Variants in GHRHR observed in about 807,000 individuals in gnomAD.
GHRHR encodes the protein growth hormone-releasing hormone receptor.
In GHRHR, 40 loss-of-function variants were observed where a neutral mutation model predicts 58.3. The observed-to-expected ratio is 0.69, with a 90% CI of 0.53 to 0.89. GHRHR has a LOEUF of 0.89. GHRHR is among the 40% of genes least tolerant of loss of function. The pLI, the probability that GHRHR is intolerant of heterozygous loss-of-function variation, is 0.00. For missense variants in GHRHR, 551 were observed against 541.3 expected (o/e 1.02, Z -0.18); for synonymous variants, 249 against 216.6 (o/e 1.15, Z -1.31).
In GHRHR at chr7:30,973,892, C is replaced by A. The variant is rs1792523586; in HGVS notation, c.598-93C>A. On this transcript the variant is annotated intron_variant, in intron 6 of 12. Transcript: ENST00000326139. Reference sequence around the variant, plus strand: ...CAGGTCCCAGCCTAACATGGAGGGGCCTGGAGGTTCTGTATCTGAGTAGGG... The same window carrying A: ...CAGGTCCCAGCCTAACATGGAGGGGACTGGAGGTTCTGTATCTGAGTAGGG... 9 of 1,275,740 alleles carry A rather than the reference C, an allele frequency of 7.1e-6. No individual in the cohort carries two copies. In the South Asian group the frequency reaches 7.2e-5, roughly 10 times the overall value. 79.0% of individuals were successfully genotyped at this position (1,275,740 alleles called of 1,614,324 possible). A position where few individuals can be genotyped will look rare whatever the true frequency, so the allele number is the denominator to read the frequency against.
intron 4 of GHRHR, 36 bp from the exon 5 acceptor site, chr7:30,971,083 G>A (rs1390585086): frequency 4.3e-6 from 4 of 921,280 alleles, no homozygotes; most frequent in Admixed American, 4.0e-5. Flanking sequence ...CAAAGGCCCA[G>A]AAGCTGAGAC....
chr7:30,965,399 G>A (rs753391764), intron 1 of GHRHR, among the ~76,000 whole-genome samples: 12 of 130,000 alleles, frequency 9.2e-5, no homozygotes, highest in Non-Finnish European at 1.7e-4. Context: ...CCCCTCAGGG[G>A]TGGGTGGGGT....
chr7:30,969,053 C>T lies in GHRHR; in HGVS notation c.161-10C>T. ...GGCTGAGTCTCTGCTGCTCCTGGCT[C>T]TCTATCCAGGCTGCCCTGCGACCTG... On this transcript the variant is annotated splice_polypyrimidine_tract_variant and intron_variant, in intron 2 of 12. Coordinates refer to ENST00000326139, the MANE Select transcript of GHRHR (RefSeq NM_000823.4). 1 of 1,573,760 alleles carries T rather than the reference C, an allele frequency of 6.4e-7. No homozygotes were observed.
At chr7:30,974,602 C>T (rs924115583) in intron 8 of GHRHR, 113 bp downstream of exon 8, 13 of 813,868 alleles carry the variant, frequency 1.6e-5, no homozygotes, top group African/African-American at 5.0e-5. Flanking sequence ...AGGGACTGCC[C>T]GGCTAGGATG....
intron 12 of GHRHR, 72 bp from the exon 13 acceptor site, chr7:30,979,047 C>T (rs543369295): frequency 6.9e-7 from 1 of 1,443,584 alleles, no homozygotes; most frequent in Non-Finnish European, 9.7e-7. Context: ...CTCCCTGCAC[C>T]TTAGTCTCAT....
Position 30,969,881 on chromosome 7 carries a change from G to A in GHRHR, c.283G>A (p.Asp95Asn). ...FSSESGAVKR[D>N]CTITGWSEPF... ...TTGCCTCCCAGGGGCTGTGAAACGG[G>A]ATTGTACTATCACTGGCTGGTCTGA... The change falls in exon 4 of 13, where the codon GAT (aspartate) becomes AAT (asparagine). Residue 95 changes from aspartate (D) to asparagine (N), a missense_variant. Asp to Asn is a conservative substitution (Grantham distance 23). Coordinates refer to ENST00000326139, the MANE Select transcript of GHRHR (RefSeq NM_000823.4). 6.2e-7 allele frequency: 1 copy of A among 1,612,884 alleles called. No individual in the cohort carries two copies. Among genetic ancestry groups the A allele is most frequent in the Non-Finnish European group, 8.5e-7 (1 of 1,178,826 alleles).
Position 30,979,255 on chromosome 7 carries a change from C to T in GHRHR, c.*11C>T. 6.2e-7 allele frequency: 1 copy of T among 1,613,238 alleles called. No homozygotes were observed. The highest frequency in any genetic ancestry group is 8.5e-7 in the Non-Finnish European group (1 of 1,179,640). ...ACATCTATGTGCTAGGCTGCCTCAT[C>T]ACGCCACTGGAGTCCACACTTGAAT... On this transcript the variant is annotated 3_prime_UTR_variant, in exon 13 of 13. Transcript: ENST00000326139.
chr7:30,964,062 G>A lies in GHRHR; in HGVS notation c.-7G>A. On this transcript the variant is annotated 5_prime_UTR_variant, in exon 1 of 13. Coordinates refer to ENST00000326139, the MANE Select transcript of GHRHR (RefSeq NM_000823.4). ...GGCTGGTGGAGGGAGCCACTGCTGG[G>A]CTCACCATGGACCGCCGGATGTGGG... is the stretch of plus-strand genomic sequence containing the variant. The A allele has an allele frequency of 1.9e-6, 3 of 1,550,536 alleles. No individual in the cohort carries two copies. The highest frequency in any genetic ancestry group is 2.6e-6 in the Non-Finnish European group (3 of 1,146,844).
intron 8 of GHRHR, 135 bp downstream of exon 8, chr7:30,974,624 A>G: frequency 1.3e-6 from 1 of 747,648 alleles, no homozygotes; most frequent in Non-Finnish European, 2.4e-6. Flanking sequence ...GGGGTGGGAG[A>G]ACAGTCTGTG....
chr7:30,965,786 C>T (rs923278363), intron 1 of GHRHR, among the ~76,000 whole-genome samples: 2 of 152,224 alleles, frequency 1.3e-5, no homozygotes, highest in African/African-American at 4.8e-5. Context: ...CTTCCAACAG[C>T]CCAGGGTCAA....
chr7:30,972,288 T>G (rs1442979156), intron 6 of GHRHR, 193 bp downstream of exon 6: 6 of 624,546 alleles, frequency 9.6e-6, no homozygotes, highest in Non-Finnish European at 1.7e-5. Context: ...TGGACTGTGG[T>G]GTCGATCCAT....
intron 6 of GHRHR, among the ~76,000 whole-genome samples, chr7:30,973,524 G>T (rs375232241): frequency 6.6e-6 from 1 of 152,198 alleles, no homozygotes; most frequent in Non-Finnish European, 1.5e-5. Flanking sequence ...AGGTGATCAA[G>T]TCATGCAGTG....
At chr7:30,972,247 C>G (rs1455203960) in intron 6 of GHRHR, 152 bp downstream of exon 6, 5 of 743,264 alleles carry the variant, frequency 6.7e-6, no homozygotes, top group Non-Finnish European at 1.1e-5. Flanking sequence ...GCTCCTTTCC[C>G]ATGTCACCCC....
chr7:30,970,019 G>A (rs1374281913), intron 4 of GHRHR, 55 bp downstream of exon 4: 11 of 816,020 alleles, frequency 1.3e-5, no homozygotes, highest in South Asian at 9.3e-5. Context: ...TTGTATGGGT[G>A]GGTGCACAAC....
chr7:30,976,009 C>T (rs1379600372), intron 10 of GHRHR, 141 bp downstream of exon 10: 6 of 686,066 alleles, frequency 8.7e-6, no homozygotes, highest in Non-Finnish European at 1.4e-5. Flanking sequence ...ATAGACCTGG[C>T]CCCTTCCTTC....
rs149490427 is a variant in GHRHR at position 30,964,662 on chromosome 7, T to A, written c.57+537T>A. ...CAGGGAAGGAATGGAACCTAAGGAG[T>A]TGGTGGAGACCAGCTGCTTCTGCTC... On this transcript the variant is annotated intron_variant, in intron 1 of 12. Transcript: ENST00000326139. Among the ~76,000 whole-genome samples the A allele has an allele frequency of 6.2e-3, 940 of 152,080 alleles. 5 individuals carry two copies. Among genetic ancestry groups the A allele is most frequent in the Non-Finnish European group, 9.3e-3 (631 of 67,968 alleles).
Position 30,969,887 on chromosome 7 carries a change from A to G in GHRHR, c.289A>G (p.Thr97Ala), listed in dbSNP as rs934444319. 3 of 1,611,980 alleles carry G rather than the reference A, an allele frequency of 1.9e-6. No homozygotes were observed. The highest frequency in any genetic ancestry group is 2.5e-6 in the Non-Finnish European group (3 of 1,178,174). The change falls in exon 4 of 13, where the codon ACT (threonine) becomes GCT (alanine). Residue 97 changes from threonine to alanine, a missense_variant. Coordinates refer to ENST00000326139, the MANE Select transcript of GHRHR (RefSeq NM_000823.4). The part of the protein sequence containing the change: ...SESGAVKRDC[T>A]ITGWSEPFPP... Reference sequence around the variant, plus strand: ...CCCAGGGGCTGTGAAACGGGATTGTACTATCACTGGCTGGTCTGAGCCCTT... The same window carrying G: ...CCCAGGGGCTGTGAAACGGGATTGTGCTATCACTGGCTGGTCTGAGCCCTT...
chr7:30,976,351 A>G lies in GHRHR; in HGVS notation c.975-78A>G, dbSNP rs1584416485. The stretch of plus-strand genomic sequence containing the variant: ...CACAGAGTGGATATAGGGAGGTGGT[A>G]GGAAGTGAGAGGAGATGAAGTGCAC... On this transcript the variant is annotated intron_variant, in intron 10 of 12. Transcript: ENST00000326139. 4 of 1,313,428 alleles carry G rather than the reference A, an allele frequency of 3.0e-6. No homozygotes were observed. In the East Asian group the frequency reaches 9.3e-5, roughly 30 times the overall value. The allele number at this position is 1,313,428 out of a possible 1,614,324, so 81.4% of individuals were successfully genotyped here. A position where few individuals can be genotyped will look rare whatever the true frequency, so the allele number is the denominator to read the frequency against.
At chr7:30,965,816 G>A (rs1792335837) in intron 1 of GHRHR, among the ~76,000 whole-genome samples, 1 of 152,242 alleles carries the variant, frequency 6.6e-6, no homozygotes. Context: ...GATGGTGTGA[G>A]AAAGTCCCAT....
Sources: allele counts gnomAD v4.1 joint callset (sites outside exome capture counted in the v4.1 genomes callset), GRCh38; gene constraint gnomAD v4.1.1; transcripts MANE v1.5; gene names NCBI Gene and HGNC (gene_info 2026-07-23, HGNC 2026-07-21).